Variants in NDUFV2 observed in about 807,000 individuals in gnomAD.
NDUFV2 encodes the protein NADH:ubiquinone oxidoreductase core subunit V2.
A neutral mutation model predicts 31.6 loss-of-function variants in NDUFV2; 18 were observed. The observed-to-expected ratio is 0.57, with a 90% CI of 0.39 to 0.84. The LOEUF (loss-of-function observed/expected upper bound fraction) is 0.84, where lower values mean the gene tolerates loss of function less well. Ranked by LOEUF, NDUFV2 falls within the 40% of genes least tolerant of loss-of-function variation. The pLI, the probability that NDUFV2 is intolerant of heterozygous loss-of-function variation, is 0.00. For missense variants in NDUFV2, 314 were observed against 303.6 expected, an observed-to-expected ratio of 1.03 and a Z score of -0.26; for synonymous variants, 83 against 99.8, an observed-to-expected ratio of 0.83 and a Z score of 1.01.
chr18:9,128,638 C>T (rs1334716523), intron 7 of NDUFV2, among the ~76,000 whole-genome samples: 3 of 152,156 alleles, frequency 2.0e-5, no homozygotes, highest in Non-Finnish European at 4.4e-5. Context: ...TTAGCTAGTG[C>T]TCCTATCCCT....
At chr18:9,121,816 T>C (rs1045821040) in intron 4 of NDUFV2, among the ~76,000 whole-genome samples, 1 of 152,168 alleles carries the variant, frequency 6.6e-6, no homozygotes, top group African/African-American at 2.4e-5. Flanking sequence ...GTCAAAACAA[T>C]TGTTTTCTAT....
intron 1 of NDUFV2, among the ~76,000 whole-genome samples, chr18:9,117,038 CTTT>C (rs11348180): frequency 4.2e-5 from 6 of 143,668 alleles, no homozygotes; most frequent in Admixed American, 7.0e-5. Flanking sequence ...TCTGAAACTA[CTTT>C]TTTTTTTTTT....
At chr18:9,128,414 C>G (rs2078010825) in intron 7 of NDUFV2, among the ~76,000 whole-genome samples, 1 of 152,194 alleles carries the variant, frequency 6.6e-6, no homozygotes, top group Non-Finnish European at 1.5e-5. Flanking sequence ...TTGACCATTA[C>G]TTTCTTTTCT....
chr18:9,116,343 T>A (rs2077897693), intron 1 of NDUFV2, among the ~76,000 whole-genome samples: 1 of 91,642 alleles, frequency 1.1e-5, no homozygotes, highest in Admixed American at 1.1e-4. Context: ...CTTTCCCTAC[T>A]CTTAAAATTA....
intron 1 of NDUFV2, chr18:9,104,832 AAAAAC>A: frequency 3.3e-6 from 4 of 1,208,534 alleles, no homozygotes; most frequent in South Asian, 4.4e-5. Context: ...CGTGTGTAGA[AAAAAC>A]AATACTGAGA....
At chr18:9,131,525 A>G (rs554645101) in intron 7 of NDUFV2, among the ~76,000 whole-genome samples, 1 of 152,254 alleles carries the variant, frequency 6.6e-6, no homozygotes, top group African/African-American at 2.4e-5. Context: ...GAGCTAGGCT[A>G]CAGTTCCAAT....
At chr18:9,118,663 C>T (rs774620340) in intron 2 of NDUFV2, among the ~76,000 whole-genome samples, 8 of 151,996 alleles carry the variant, frequency 5.3e-5, no homozygotes, top group African/African-American at 9.7e-5. Context: ...ATTAATTGAT[C>T]GTAAGTGTTA....
chr18:9,123,319 CCACCCCCAA>C (rs1162538716), intron 5 of NDUFV2, among the ~76,000 whole-genome samples: 1 of 151,926 alleles, frequency 6.6e-6, no homozygotes, highest in Non-Finnish European at 1.5e-5. Flanking sequence ...TCAAACCCCC[CCACCCCCAA>C]CACCATCAAG....
intron 1 of NDUFV2, among the ~76,000 whole-genome samples, chr18:9,115,338 C>G (rs2077892785): frequency 6.6e-6 from 1 of 151,778 alleles, no homozygotes; most frequent in Admixed American, 6.6e-5. Flanking sequence ...TTGTTTAACC[C>G]TGATTCCAGT....
chr18:9,125,008 T>TA, intron 6 of NDUFV2, 25 bp downstream of exon 6: 1 of 1,607,144 alleles, frequency 6.2e-7, no homozygotes. Flanking sequence ...TAATACAAGT[T>TA]AAAGTTGTAT....
rs1359002439 is a variant in NDUFV2, at chr18:9,134,273, C to G, written c.744C>G (p.Gly248=). 6.2e-7 allele frequency: 1 copy of G among 1,608,164 alleles called. No homozygotes were observed. Among genetic ancestry groups the G allele is most frequent in the Non-Finnish European group, 8.5e-7 (1 of 1,176,094 alleles). The change falls in exon 8 of 8, where the codon GGC becomes GGG. Residue 248 remains glycine (G), a synonymous_variant. Coordinates refer to ENST00000318388, the MANE Select transcript of NDUFV2 (RefSeq NM_021074.5). The part of the protein sequence containing the change: ...PKGPGFGVQA[G]L ...GACCTGGATTTGGTGTACAAGCAGG[C>G]CTTTAATTTATATTGAACTGTAAAT...
intron 6 of NDUFV2, 69 bp downstream of exon 6, chr18:9,125,052 T>A (rs2077977293): frequency 6.7e-7 from 1 of 1,492,380 alleles, no homozygotes; most frequent in African/African-American, 1.4e-5. Flanking sequence ...AATATTTGAT[T>A]TTGTGTCCTT....
intron 1 of NDUFV2, among the ~76,000 whole-genome samples, chr18:9,111,665 G>A (rs1433593766): frequency 2.6e-5 from 4 of 151,930 alleles, no homozygotes; most frequent in Admixed American, 2.6e-4. Flanking sequence ...ATGACCTCAG[G>A]TGATCCGTCC....
intron 1 of NDUFV2, among the ~76,000 whole-genome samples, chr18:9,107,570 A>G (rs2077848058): frequency 6.6e-6 from 1 of 152,250 alleles, no homozygotes; most frequent in Non-Finnish European, 1.5e-5. Context: ...TGTGAGATAT[A>G]TGAAGATTGC....
At chr18:9,116,587 T>A (rs1305199124) in intron 1 of NDUFV2, among the ~76,000 whole-genome samples, 1 of 152,228 alleles carries the variant, frequency 6.6e-6, no homozygotes, top group East Asian at 1.9e-4. Flanking sequence ...GAAATTGATA[T>A]TTATCACTCC....
chr18:9,111,134 A>G (rs946997576), intron 1 of NDUFV2, among the ~76,000 whole-genome samples: 1 of 152,122 alleles, frequency 6.6e-6, no homozygotes, highest in African/African-American at 2.4e-5. Flanking sequence ...TGATGTCATC[A>G]AACAGTCAGG....
Position 9,134,183 on chromosome 18 carries a change from C to T in NDUFV2, c.657-3C>T. ...AATAGTTTAATATTACTTTTCATTT[C>T]AGGAGTGGACGCTTCTCTTGTGAGC... On this transcript the variant is annotated splice_polypyrimidine_tract_variant and splice_region_variant and intron_variant, in intron 7 of 7. Transcript: ENST00000318388. 1 of 1,609,820 alleles carries T rather than the reference C, an allele frequency of 6.2e-7. No individual in the cohort carries two copies. Among genetic ancestry groups the T allele is most frequent in the South Asian group, 1.1e-5 (1 of 90,938 alleles).
chr18:9,118,747 CTCTTT>C (rs2077911984), intron 2 of NDUFV2, among the ~76,000 whole-genome samples: 1 of 148,256 alleles, frequency 6.7e-6, no homozygotes, highest in South Asian at 2.1e-4. Context: ...CCTGCTTCTG[CTCTTT>C]TAAGAAGAGA....
intron 1 of NDUFV2, among the ~76,000 whole-genome samples, chr18:9,107,069 G>A (rs142717134): frequency 1.8e-3 from 275 of 152,162 alleles, no homozygotes; most frequent in African/African-American, 6.0e-3. Flanking sequence ...ATACTCACAG[G>A]TTTCCAGGAT....
Sources: gnomAD v4.1 joint callset for allele counts (sites outside exome capture counted in the v4.1 genomes callset) on GRCh38, gnomAD v4.1.1 for gene constraint, MANE v1.5 for transcripts, NCBI Gene and HGNC (gene_info 2026-07-23, HGNC 2026-07-21) for gene names.